The following IKZF3 variants were observed in gnomAD, a reference collection of about 807,000 sequenced individuals.
IKZF3 encodes zinc finger protein Aiolos.
A neutral mutation model predicts 49.0 loss-of-function variants in IKZF3; 10 were observed. That is an observed-to-expected ratio of 0.20 (90% CI 0.13 to 0.35). The LOEUF is 0.35. IKZF3 is among the 10% of genes least tolerant of loss of function. The pLI is 1.00. For synonymous variants in IKZF3, 209 were observed against 228.2 expected, an observed-to-expected ratio of 0.92 and a Z score of 0.76; for missense variants, 498 against 664.8, an observed-to-expected ratio of 0.75 and a Z score of 2.76.
At position 39,760,320 on chromosome 17, in the gene IKZF3, C is replaced by A. The variant is rs1204041157; in HGVS notation, c.*5470G>T. 1.3e-5 allele frequency: 2 copies of A among 151,292 alleles called. No homozygotes were observed. Among genetic ancestry groups the A allele is most frequent in the East Asian group, 3.9e-4 (2 of 5,162 alleles). The allele number at this position is 151,292 out of a possible 1,614,324, so 9.4% of individuals were successfully genotyped here. ...TACAGGTGTGCACCACCACACCCAGCTAATTTTTGTATTTTTTTTTTCGAG... is the reference window on the plus strand; with the variant it reads ...TACAGGTGTGCACCACCACACCCAGATAATTTTTGTATTTTTTTTTTCGAG... On this transcript the variant is annotated 3_prime_UTR_variant, in exon 8 of 8. Coordinates refer to ENST00000346872, the MANE Select transcript of IKZF3 (RefSeq NM_012481.5).
chr17:39,850,262 TTATG>T (rs1362521322), intron 1 of IKZF3, among the ~76,000 whole-genome samples: 7 of 138,142 alleles, frequency 5.1e-5, no homozygotes, highest in Non-Finnish European at 9.1e-5. Context: ...ATATAGCATA[TTATG>T]TATGTATATA....
chr17:39,841,051 C>G (rs2062450068), intron 1 of IKZF3, among the ~76,000 whole-genome samples: 1 of 152,102 alleles, frequency 6.6e-6, no homozygotes, highest in Non-Finnish European at 1.5e-5. Flanking sequence ...TTGGCATGAG[C>G]CTGTAGTCCC....
At chr17:39,819,084 G>C (rs1173300836) in intron 3 of IKZF3, among the ~76,000 whole-genome samples, 2 of 151,958 alleles carry the variant, frequency 1.3e-5, no homozygotes, top group African/African-American at 2.4e-5. Flanking sequence ...CTATTGTATG[G>C]GTTCCTAACA....
At chr17:39,833,689 C>A (rs1488094953) in intron 1 of IKZF3, among the ~76,000 whole-genome samples, 1 of 152,030 alleles carries the variant, frequency 6.6e-6, no homozygotes, top group African/African-American at 2.4e-5. Context: ...TAGACTGTTT[C>A]CAGTTTGGGC....
chr17:39,777,879 T>C, intron 6 of IKZF3, 112 bp from the exon 7 acceptor site: 1 of 1,498,182 alleles, frequency 6.7e-7, no homozygotes, highest in Non-Finnish European at 8.8e-7. Context: ...ACTCTATTGT[T>C]GTTACCTGTT....
At chr17:39,853,329 A>C (rs1242739187) in intron 1 of IKZF3, among the ~76,000 whole-genome samples, 1 of 152,212 alleles carries the variant, frequency 6.6e-6, no homozygotes. Context: ...TATATTGTAT[A>C]ATAAATGTAT....
chr17:39,841,898 TAGA>T (rs1236722913), intron 1 of IKZF3, among the ~76,000 whole-genome samples: 2 of 151,544 alleles, frequency 1.3e-5, no homozygotes, highest in Non-Finnish European at 2.9e-5. Flanking sequence ...ATATTAAAAT[TAGA>T]AGGGTGTGGT....
chr17:39,778,092 C>T (rs2060636183), intron 6 of IKZF3: 2 of 1,017,428 alleles, frequency 2.0e-6, no homozygotes, highest in Admixed American at 5.8e-5. Flanking sequence ...GATCTAACCC[C>T]CGATCAGCCT....
In IKZF3 at chr17:39,788,266, C is replaced by A. The variant is rs112301322; in HGVS notation, c.701G>T (p.Gly234Val). 6.2e-7 allele frequency: 1 copy of A among 1,609,956 alleles called. No individual in the cohort carries two copies. The highest frequency in any genetic ancestry group is 8.5e-7 in the Non-Finnish European group (1 of 1,176,356). ...CRTFLQSTDP[G>V]DTASAEARHI... ...GTGTTGCGTGAACTCACCAGTGTCC[C>A]CTGGGTCAGTGCTCTGAAGAAATGT... Residue 234 changes from glycine to valine, a missense_variant, in exon 6 of 8, where the codon GGG becomes GTG. Transcript: ENST00000346872.
At chr17:39,863,578 T>G in intron 1 of IKZF3, among the ~76,000 whole-genome samples, 1 of 152,184 alleles carries the variant, frequency 6.6e-6, no homozygotes, top group East Asian at 1.9e-4. Flanking sequence ...ACTTTCAAAA[T>G]TAATTCATAT....
chr17:39,788,264 C>T lies in IKZF3; in HGVS notation c.703G>A (p.Asp235Asn), dbSNP rs755949410. The T allele has an allele frequency of 3.1e-6, 5 of 1,607,344 alleles. No individual in the cohort carries two copies. Among genetic ancestry groups the T allele is most frequent in the Non-Finnish European group, 1.7e-6 (2 of 1,173,982 alleles). The change falls in exon 6 of 8, where the codon GAC becomes AAC. Residue 235 changes from aspartate (D) to asparagine (N), a missense_variant. Transcript: ENST00000346872. ...GTGTGTTGCGTGAACTCACCAGTGT[C>T]CCCTGGGTCAGTGCTCTGAAGAAAT... ...RTFLQSTDPG[D>N]TASAEARHIK...
At chr17:39,854,048 C>T (rs1002412649) in intron 1 of IKZF3, among the ~76,000 whole-genome samples, 2 of 152,108 alleles carry the variant, frequency 1.3e-5, no homozygotes, top group African/African-American at 4.8e-5. Flanking sequence ...ATCACTTGAA[C>T]CTGGGAGGCG....
At chr17:39,813,630 T>G (rs1024690424) in intron 3 of IKZF3, among the ~76,000 whole-genome samples, 2 of 150,756 alleles carry the variant, frequency 1.3e-5, no homozygotes, top group Non-Finnish European at 3.0e-5. Flanking sequence ...GGTGACAGCG[T>G]GATTAAAAAA....
chr17:39,824,331 G>A (rs1288189946), intron 3 of IKZF3, among the ~76,000 whole-genome samples: 3 of 152,216 alleles, frequency 2.0e-5, no homozygotes, highest in African/African-American at 4.8e-5. Flanking sequence ...TATCTGGGAA[G>A]TAACTAACTT....
chr17:39,773,886 C>A (rs1012120312), intron 7 of IKZF3, among the ~76,000 whole-genome samples: 2 of 151,762 alleles, frequency 1.3e-5, no homozygotes, highest in Admixed American at 1.3e-4. Flanking sequence ...TTGAAAAGAA[C>A]AACTTAAACA....
intron 3 of IKZF3, among the ~76,000 whole-genome samples, chr17:39,824,654 G>A (rs772526854): frequency 1.3e-5 from 2 of 151,592 alleles, no homozygotes; most frequent in African/African-American, 4.8e-5. Context: ...CCCCATGTTG[G>A]TCTTGTGATA....
chr17:39,814,658 T>C (rs2061637965), intron 3 of IKZF3, among the ~76,000 whole-genome samples: 1 of 151,730 alleles, frequency 6.6e-6, no homozygotes, highest in African/African-American at 2.4e-5. Context: ...CACGTGACAA[T>C]GGAGGCAGAG....
At chr17:39,785,516 T>C (rs1401478240) in intron 6 of IKZF3, among the ~76,000 whole-genome samples, 2 of 152,178 alleles carry the variant, frequency 1.3e-5, no homozygotes, top group Non-Finnish European at 2.9e-5. Flanking sequence ...AGCTAAAATA[T>C]TACTTTTGAT....
At chr17:39,778,169 A>C (rs2060638791) in intron 6 of IKZF3, 1 of 988,156 alleles carries the variant, frequency 1.0e-6, no homozygotes, top group Non-Finnish European at 1.2e-6. Context: ...AACTTTGAAA[A>C]AAAAGCATGG....
Sources: allele counts gnomAD v4.1 joint callset (sites outside exome capture counted in the v4.1 genomes callset), GRCh38; gene constraint gnomAD v4.1.1; transcripts MANE v1.5; gene names NCBI Gene and HGNC (gene_info 2026-07-23, HGNC 2026-07-21).